The following CFAP91 variants were observed in gnomAD, a reference collection of about 807,000 sequenced individuals.
CFAP91 encodes the protein cilia- and flagella-associated protein 91.
In CFAP91, 85 loss-of-function variants were observed where a neutral mutation model predicts 95.9. The ratio of observed to expected loss-of-function variants is 0.89; its 90% CI spans 0.74 to 1.06. The LOEUF (loss-of-function observed/expected upper bound fraction) is 1.06, where lower values mean the gene tolerates loss of function less well. Ranked by LOEUF, CFAP91 falls within the 50% of genes least tolerant of loss-of-function variation. The pLI is 0.00. For synonymous variants in CFAP91, 335 were observed against 327.5 expected (o/e 1.02, Z -0.25); for missense variants, 962 against 943.4 (o/e 1.02, Z -0.26).
intron 10 of CFAP91, among the ~76,000 whole-genome samples, chr3:119,734,105 C>T (rs997754186): frequency 6.6e-6 from 1 of 152,086 alleles, no homozygotes; most frequent in African/African-American, 2.4e-5. Flanking sequence ...GGGCTCCATC[C>T]CCAAAGTTTC....
chr3:119,731,756 G>A lies in CFAP91; in HGVS notation c.1019-538G>A, dbSNP rs2053902207. ...TGAGAGAAAAGGAGCACAGGAGGTG[G>A]CGAGCATGACTCTTTAGATGAGTAT... On this transcript the variant is annotated intron_variant, in intron 8 of 17. Transcript: ENST00000273390. Among the ~76,000 whole-genome samples, 3 of 152,182 alleles carry A rather than the reference G, an allele frequency of 2.0e-5. No individual in the cohort carries two copies. The South Asian group carries it at 6.2e-4, about 32-fold the overall frequency.
In CFAP91 at chr3:119,765,187, A is replaced by G. The variant is rs545853223; in HGVS notation, c.*137A>G. On this transcript the variant is annotated 3_prime_UTR_variant, in exon 18 of 18. Transcript: ENST00000273390. ...GAGAAAGGAGATTTATTTTCCTTAA[A>G]CATCCAATAATTTAAAATGATTTTC... 4 of 152,284 alleles carry G rather than the reference A, an allele frequency of 2.6e-5. No individual in the cohort carries two copies. The East Asian group carries it at 7.7e-4, about 29-fold the overall frequency. The allele number at this position is 152,284 out of a possible 1,614,324, so 9.4% of individuals were successfully genotyped here.
intron 5 of CFAP91, 93 bp downstream of exon 5, chr3:119,709,988 T>G: frequency 6.0e-6 from 6 of 993,492 alleles, no homozygotes; most frequent in Admixed American, 2.0e-5. Context: ...ATCACTATTT[T>G]TCAAATTGTG....
chr3:119,747,498 G>A (rs1189503187), intron 15 of CFAP91: 3 of 564,218 alleles, frequency 5.3e-6, no homozygotes, highest in Non-Finnish European at 9.2e-6. Flanking sequence ...AGAATACTCG[G>A]AAGCATGAAA....
At chr3:119,740,891 A>G (rs2054107426) in intron 13 of CFAP91, 196 bp downstream of exon 13, 7 of 591,588 alleles carry the variant, frequency 1.2e-5, no homozygotes, top group Admixed American at 5.8e-5. Context: ...GTTTCACTCT[A>G]TCGCCCAGGC....
intron 17 of CFAP91, among the ~76,000 whole-genome samples, chr3:119,758,038 A>G (rs897085738): frequency 1.3e-5 from 2 of 152,084 alleles, no homozygotes; most frequent in African/African-American, 2.4e-5. Context: ...GTTTTTATAT[A>G]TGTGTGTAGT....
intron 6 of CFAP91, among the ~76,000 whole-genome samples, chr3:119,722,177 T>TAAA (rs569308101): frequency 1.5e-3 from 133 of 91,230 alleles, no homozygotes; most frequent in African/African-American, 5.5e-3. Context: ...ACCCTGTCTC[T>TAAA]AAAAAAAAAA....
chr3:119,745,144 A>G (rs1389224251), intron 14 of CFAP91, among the ~76,000 whole-genome samples: 1 of 152,192 alleles, frequency 6.6e-6, no homozygotes, highest in Non-Finnish European at 1.5e-5. Context: ...TTAGGTAAAA[A>G]ATGTACTCAG....
At chr3:119,742,271 G>A (rs1437665530) in intron 13 of CFAP91, among the ~76,000 whole-genome samples, 1 of 152,164 alleles carries the variant, frequency 6.6e-6, no homozygotes, top group Non-Finnish European at 1.5e-5. Context: ...GATACACCCT[G>A]GATATATGCA....
chr3:119,713,962 T>A (rs1213291787), intron 5 of CFAP91, among the ~76,000 whole-genome samples: 1 of 152,208 alleles, frequency 6.6e-6, no homozygotes, highest in Non-Finnish European at 1.5e-5. Context: ...TGTGATCATT[T>A]AAGTTTCTAA....
intron 1 of CFAP91, among the ~76,000 whole-genome samples, chr3:119,704,476 T>A (rs537880369): frequency 1.2e-4 from 18 of 152,312 alleles, no homozygotes; most frequent in Non-Finnish European, 2.1e-4. Context: ...TCTTTGACCT[T>A]ATGACCTTTC....
chr3:119,744,107 C>T lies in CFAP91; in HGVS notation c.1813C>T (p.Arg605Cys), dbSNP rs142545565. 26 of 1,613,990 alleles carry T rather than the reference C, an allele frequency of 1.6e-5. No homozygotes were observed. Among genetic ancestry groups the T allele is most frequent in the East Asian group, 2.2e-5 (1 of 44,900 alleles). ...CCATGCCTTTGTCATGCTGGCTGAG[C>T]GCCAGCGGCGGGTACGAGAGGCTGA... The part of the protein sequence containing the change: ...RIHAFVMLAE[R>C]QRRVREAEES... Residue 605 changes from arginine (R) to cysteine (C), a missense_variant, in exon 14 of 18, where the codon CGC becomes TGC. Physicochemically the swap from Arg to Cys is radical, Grantham distance 180. Transcript: ENST00000273390.
At chr3:119,721,060 G>A (rs970763239) in intron 6 of CFAP91, among the ~76,000 whole-genome samples, 1 of 152,166 alleles carries the variant, frequency 6.6e-6, no homozygotes, top group African/African-American at 2.4e-5. Context: ...AAACTTACAG[G>A]CCAATCTCAC....
chr3:119,706,219 A>G (rs1276017476), intron 1 of CFAP91: 1 of 152,544 alleles, frequency 6.6e-6, no homozygotes, highest in Non-Finnish European at 1.5e-5. Context: ...ACAGATACTT[A>G]TAATAGCAGG....
intron 1 of CFAP91, 119 bp from the exon 2 acceptor site, chr3:119,706,690 A>G: frequency 1.4e-6 from 1 of 740,142 alleles, no homozygotes; most frequent in East Asian, 2.7e-5. Context: ...GCAGAGTCAG[A>G]CAATATTTAA....
chr3:119,741,070 T>C (rs923834869), intron 13 of CFAP91, among the ~76,000 whole-genome samples: 3 of 152,218 alleles, frequency 2.0e-5, no homozygotes, highest in Non-Finnish European at 4.4e-5. Flanking sequence ...CAGGCTGGTC[T>C]CGAACTCCTG....
chr3:119,736,136 G>A (rs999195115), intron 10 of CFAP91, among the ~76,000 whole-genome samples: 2 of 151,904 alleles, frequency 1.3e-5, no homozygotes, highest in African/African-American at 4.8e-5. Flanking sequence ...ACAAATCTGT[G>A]CAACCATCAC....
intron 11 of CFAP91, 69 bp downstream of exon 11, chr3:119,737,551 T>G (rs1377868486): frequency 1.5e-5 from 15 of 969,576 alleles, no homozygotes; most frequent in Non-Finnish European, 2.4e-5. Context: ...TAGGATAGTT[T>G]AGCTTAAAGC....
At chr3:119,743,904 C>T in intron 13 of CFAP91, 71 bp from the exon 14 acceptor site, 3 of 1,340,600 alleles carry the variant, frequency 2.2e-6, no homozygotes, top group Admixed American at 4.8e-5. Flanking sequence ...TTTGAGTAAT[C>T]CAGCACTTCT....
Sources: allele counts gnomAD v4.1 joint callset (sites outside exome capture counted in the v4.1 genomes callset), GRCh38; gene constraint gnomAD v4.1.1; transcripts MANE v1.5; gene names NCBI Gene and HGNC (gene_info 2026-07-23, HGNC 2026-07-21).